POLN: variants seen among roughly 807,000 people sequenced by gnomAD.
The protein encoded by POLN is DNA polymerase N.
A neutral mutation model predicts 113.5 loss-of-function variants in POLN; 108 were observed. The ratio of observed to expected loss-of-function variants is 0.95; its 90% CI spans 0.81 to 1.12. The LOEUF is 1.12. Ranked by LOEUF, POLN falls within the 50% of genes most tolerant of loss-of-function variation. The probability of loss-of-function intolerance (pLI) is 0.00; values close to 1 mark genes in which losing one functional copy is unlikely to be tolerated. For synonymous variants in POLN, 386 were observed against 391.5 expected (o/e 0.99, Z 0.17); for missense variants, 1,097 against 1,077.1 (o/e 1.02, Z -0.26).
intron 6 of POLN, 30 bp from the exon 7 acceptor site, chr4:2,193,346 A>G: frequency 6.7e-7 from 1 of 1,485,280 alleles, no homozygotes; most frequent in Non-Finnish European, 9.2e-7. Flanking sequence ...TCACTGATTT[A>G]AACATTAATT....
chr4:2,086,284 G>A (rs1482980753), intron 20 of POLN, among the ~76,000 whole-genome samples: 4 of 152,076 alleles, frequency 2.6e-5, no homozygotes, highest in Non-Finnish European at 5.9e-5. Context: ...AGATCAGCCT[G>A]GGCAACAAAG....
intron 13 of POLN, among the ~76,000 whole-genome samples, chr4:2,165,479 T>G (rs1423068562): frequency 6.6e-6 from 1 of 152,226 alleles, no homozygotes; most frequent in Non-Finnish European, 1.5e-5. Flanking sequence ...CTGCTCTGTA[T>G]GATGCTGTAA....
At chr4:2,241,055 G>A in intron 2 of POLN, 2 of 772,780 alleles carry the variant, frequency 2.6e-6, no homozygotes, top group Non-Finnish European at 4.2e-6. Flanking sequence ...AGTCCACAGA[G>A]AAGGGAAAAT....
chr4:2,156,898 GT>G (rs1335827360), intron 15 of POLN, 45 bp from the exon 16 acceptor site: 8 of 1,488,912 alleles, frequency 5.4e-6, no homozygotes, highest in Non-Finnish European at 6.6e-6. Flanking sequence ...GCAATGCTAT[GT>G]GAAGTTAAGA....
intron 19 of POLN, among the ~76,000 whole-genome samples, chr4:2,110,383 T>G (rs1355131260): frequency 1.3e-5 from 2 of 151,852 alleles, no homozygotes; most frequent in African/African-American, 4.8e-5. Context: ...AAGAAATAAC[T>G]AAGATCAGAG....
intron 5 of POLN, among the ~76,000 whole-genome samples, chr4:2,201,181 C>A (rs529706639): frequency 1.4e-5 from 2 of 144,320 alleles, no homozygotes; most frequent in Non-Finnish European, 3.0e-5. Context: ...GCAGGAGAAT[C>A]GCCTGAACCC....
At chr4:2,106,839 T>C (rs1214583692) in intron 19 of POLN, among the ~76,000 whole-genome samples, 2 of 152,210 alleles carry the variant, frequency 1.3e-5, no homozygotes, top group Non-Finnish European at 2.9e-5. Flanking sequence ...TGGTCTTTTT[T>C]AGTGCTCCTC....
intron 2 of POLN, among the ~76,000 whole-genome samples, chr4:2,235,523 T>C (rs1265824874): frequency 6.6e-6 from 1 of 152,340 alleles, no homozygotes; most frequent in East Asian, 1.9e-4. Flanking sequence ...TGGAATATCA[T>C]ATAATGGAAT....
chr4:2,174,790 ATAT>A, intron 9 of POLN, 39 bp from the exon 10 acceptor site: 1 of 1,414,128 alleles, frequency 7.1e-7, no homozygotes, highest in Non-Finnish European at 9.9e-7. Context: ...GTCAATTTAA[ATAT>A]TATTGTATCT....
At chr4:2,203,463 C>A (rs988075677) in intron 5 of POLN, among the ~76,000 whole-genome samples, 1 of 151,634 alleles carries the variant, frequency 6.6e-6, no homozygotes, top group African/African-American at 2.4e-5. Flanking sequence ...TCCTATAGTC[C>A]CAGCTACTTA....
In POLN at chr4:2,085,612, C is replaced by T; in HGVS notation, c.2197+1G>A. ...GGGAGCTCTGGTTGTGGCCAACTCA[C>T]CTGTCTGGTGACACTGGGCAATAGC... On this transcript the variant is annotated splice_donor_variant, in intron 21 of 25. Transcript: ENST00000511885. LOFTEE classifies it high-confidence loss of function. 2.5e-6 allele frequency: 4 copies of T among 1,613,862 alleles called. No individual in the cohort carries two copies. Among genetic ancestry groups the T allele is most frequent in the Non-Finnish European group, 3.4e-6 (4 of 1,179,990 alleles).
At chr4:2,203,169 T>C (rs1376654462) in intron 5 of POLN, among the ~76,000 whole-genome samples, 1 of 152,140 alleles carries the variant, frequency 6.6e-6, no homozygotes, top group African/African-American at 2.4e-5. Context: ...CACAGTGGAA[T>C]AAAACTGTAA....
intron 17 of POLN, 96 bp from the exon 18 acceptor site, chr4:2,129,352 C>T: frequency 1.3e-6 from 1 of 777,052 alleles, no homozygotes; most frequent in Non-Finnish European, 2.1e-6. Flanking sequence ...ATTCTGAAGT[C>T]CAGAGTTAAG....
intron 5 of POLN, among the ~76,000 whole-genome samples, chr4:2,201,020 C>G (rs1206166214): frequency 6.6e-6 from 1 of 152,030 alleles, no homozygotes; most frequent in Non-Finnish European, 1.5e-5. Context: ...GTAATCCCAG[C>G]ACTTTGGGAG....
At chr4:2,080,856 A>T in intron 23 of POLN, 102 bp downstream of exon 23, 1 of 1,596,370 alleles carries the variant, frequency 6.3e-7, no homozygotes, top group South Asian at 1.1e-5. Context: ...CGGGGGCCCG[A>T]TAAGCAGAGA....
At chr4:2,082,224 G>T (rs1462690088) in intron 21 of POLN, among the ~76,000 whole-genome samples, 1 of 152,100 alleles carries the variant, frequency 6.6e-6, no homozygotes, top group Non-Finnish European at 1.5e-5. Flanking sequence ...CAAAGCGCTG[G>T]TATTACAGTG....
intron 21 of POLN, chr4:2,082,732 C>G (rs541641128): frequency 2.6e-5 from 4 of 152,202 alleles, no homozygotes; most frequent in African/African-American, 9.6e-5. Flanking sequence ...AGTGAGGACA[C>G]GAGAGATCTT....
At chr4:2,240,409 A>G in intron 2 of POLN, 1 of 1,613,178 alleles carries the variant, frequency 6.2e-7, no homozygotes, top group Non-Finnish European at 8.5e-7. Context: ...GAATGTCTGA[A>G]GAACATCATC....
At chr4:2,100,495 G>A (rs1209395359) in intron 19 of POLN, among the ~76,000 whole-genome samples, 4 of 152,242 alleles carry the variant, frequency 2.6e-5, no homozygotes, top group Admixed American at 6.5e-5. Flanking sequence ...TGGAAGATGT[G>A]CTGTGCTCCT....
Sources: allele counts gnomAD v4.1 joint callset (sites outside exome capture counted in the v4.1 genomes callset), GRCh38; gene constraint gnomAD v4.1.1; transcripts MANE v1.5; gene names NCBI Gene and HGNC (gene_info 2026-07-23, HGNC 2026-07-21).